The following ST7 variants were observed in gnomAD, a reference collection of about 807,000 sequenced individuals.
ST7 encodes suppression of tumorigenicity 7.
Under a neutral mutation model 78.7 loss-of-function variants are expected in ST7, and 28 were observed. The observed-to-expected ratio is 0.36, with a 90% CI of 0.26 to 0.49. The LOEUF (loss-of-function observed/expected upper bound fraction) is 0.49. Among genes scored for constraint, ST7 ranks in the 20% least tolerant of loss-of-function variants. The pLI is 0.99. For synonymous variants in ST7, 247 were observed against 249.6 expected (o/e 0.99, Z 0.10); for missense variants, 418 against 696.0 (o/e 0.60, Z 4.49).
intron 1 of ST7, among the ~76,000 whole-genome samples, chr7:117,086,755 G>A (rs1333446109): frequency 6.6e-6 from 1 of 152,124 alleles, no homozygotes; most frequent in African/African-American, 2.4e-5. Context: ...ATTACGTAAA[G>A]CCAGATGCAT....
At chr7:117,015,936 A>G (rs1166217598) in intron 1 of ST7, among the ~76,000 whole-genome samples, 1 of 152,190 alleles carries the variant, frequency 6.6e-6, no homozygotes, top group Middle Eastern at 3.2e-3. Flanking sequence ...ATTGAACTCT[A>G]CTTACACAGT....
chr7:117,173,655 G>A (rs1808160483), intron 10 of ST7: 1 of 152,162 alleles, frequency 6.6e-6, no homozygotes, highest in Non-Finnish European at 1.5e-5. Context: ...ATGAGATGCT[G>A]GAGACAGCAC....
chr7:117,186,739 C>G (rs1809296414), intron 10 of ST7, among the ~76,000 whole-genome samples: 1 of 152,090 alleles, frequency 6.6e-6, no homozygotes, highest in Non-Finnish European at 1.5e-5. Flanking sequence ...ACATTTCCCC[C>G]AGATCATTCA....
chr7:117,118,822 A>C (rs1177449607), intron 2 of ST7, among the ~76,000 whole-genome samples: 1 of 152,206 alleles, frequency 6.6e-6, no homozygotes, highest in African/African-American at 2.4e-5. Flanking sequence ...TCCTGACTTC[A>C]GTCTAATCAT....
intron 12 of ST7, among the ~76,000 whole-genome samples, chr7:117,202,596 C>G (rs900824483): frequency 6.6e-6 from 1 of 152,196 alleles, no homozygotes; most frequent in Admixed American, 6.5e-5. Context: ...TCCTCCACCC[C>G]GCAATTTTGT....
intron 1 of ST7, among the ~76,000 whole-genome samples, chr7:117,093,979 G>T (rs772516728): frequency 6.6e-6 from 1 of 152,142 alleles, no homozygotes; most frequent in Non-Finnish European, 1.5e-5. Flanking sequence ...TAGTTGGGCC[G>T]CATTGTCCAT....
chr7:117,194,147 T>C (rs528253320), intron 12 of ST7, among the ~76,000 whole-genome samples: 2 of 152,256 alleles, frequency 1.3e-5, no homozygotes, highest in South Asian at 2.1e-4. Context: ...AAGTATTAGA[T>C]TGCAGCAAAC....
intron 3 of ST7, among the ~76,000 whole-genome samples, chr7:117,121,879 C>G (rs1005856195): frequency 1.5e-5 from 2 of 136,676 alleles, no homozygotes; most frequent in Non-Finnish European, 3.3e-5. Context: ...TTCTTCCCAC[C>G]TGTTTTATAA....
chr7:117,140,639 CAT>C (rs1317874127), intron 9 of ST7, among the ~76,000 whole-genome samples: 2 of 151,942 alleles, frequency 1.3e-5, no homozygotes, highest in African/African-American at 4.8e-5. Context: ...CCTCTCTCGA[CAT>C]ATGTGTATAC....
At chr7:116,983,566 G>A (rs865815540) in intron 1 of ST7, among the ~76,000 whole-genome samples, 19 of 152,012 alleles carry the variant, frequency 1.2e-4, no homozygotes, top group African/African-American at 4.3e-4. Context: ...TACACACTGG[G>A]CTCTGACACC....
intron 13 of ST7, among the ~76,000 whole-genome samples, chr7:117,212,358 C>A (rs566954755): frequency 3.3e-5 from 5 of 152,224 alleles, no homozygotes; most frequent in South Asian, 2.1e-4. Flanking sequence ...AGGATGTAAA[C>A]CCAAGGTCAC....
chr7:117,222,374 C>T (rs189118036), intron 15 of ST7, among the ~76,000 whole-genome samples: 6 of 152,198 alleles, frequency 3.9e-5, no homozygotes, highest in Admixed American at 2.6e-4. Flanking sequence ...GGAAGTTACT[C>T]GGTTTTCTGT....
rs371373883 is a variant in ST7, at chr7:117,131,900, G to A, written c.581G>A (p.Trp194Ter). Residue 194 changes from tryptophan to a stop codon, truncating the protein, a stop_gained, in exon 6 of 16, where the codon TGG (tryptophan) becomes TAG (stop). Coordinates refer to ENST00000323984, the MANE Select transcript of ST7 (RefSeq NM_001369598.1). LOFTEE classifies it high-confidence loss of function. ...TCTTAAATAGTAATGCAGAAAGCCT[G>A]GAGAGAGAGAAACCCCCAAGCTAGG... ...RPADAIMQKA[W>*]RERNPQARIS... The A allele has an allele frequency of 1.2e-6, 2 of 1,611,124 alleles. No homozygotes were observed.
intron 9 of ST7, among the ~76,000 whole-genome samples, chr7:117,156,338 G>A (rs1000077063): frequency 5.9e-5 from 9 of 152,190 alleles, no homozygotes; most frequent in Admixed American, 1.3e-4. Flanking sequence ...AAAGTGCACA[G>A]CTTTTTAGCC....
At chr7:117,199,896 C>T (rs193579) in intron 12 of ST7, among the ~76,000 whole-genome samples, 86,564 of 152,110 alleles carry the variant, frequency 0.57, 27,027 homozygotes, top group East Asian at 0.89. Context: ...CTGTTACAAA[C>T]ATTCTCCAAG....
intron 1 of ST7, among the ~76,000 whole-genome samples, chr7:117,002,289 C>T (rs760549083): frequency 1.3e-5 from 2 of 152,036 alleles, no homozygotes; most frequent in Non-Finnish European, 2.9e-5. Flanking sequence ...AGACAGGTCT[C>T]TCTGTGCTGT....
chr7:117,204,278 G>A (rs768200215), intron 12 of ST7, among the ~76,000 whole-genome samples: 6 of 152,102 alleles, frequency 3.9e-5, no homozygotes, highest in Non-Finnish European at 5.9e-5. Flanking sequence ...TTCAATGCAC[G>A]CTTATATGCC....
intron 7 of ST7, among the ~76,000 whole-genome samples, chr7:117,135,795 A>G (rs756297984): frequency 2.0e-5 from 3 of 152,228 alleles, no homozygotes; most frequent in Non-Finnish European, 4.4e-5. Flanking sequence ...GTTCTCCATC[A>G]GGGAGGCAGA....
intron 1 of ST7, among the ~76,000 whole-genome samples, chr7:116,964,008 C>T (rs562311963): frequency 1.3e-5 from 2 of 152,226 alleles, no homozygotes; most frequent in South Asian, 2.1e-4. Context: ...ACTTTAAAGG[C>T]ATCTCTTAGG....
Sources: allele counts gnomAD v4.1 joint callset (sites outside exome capture counted in the v4.1 genomes callset), GRCh38; gene constraint gnomAD v4.1.1; transcripts MANE v1.5; gene names NCBI Gene and HGNC (gene_info 2026-07-23, HGNC 2026-07-21).